The following RBFOX1 variants were observed in gnomAD, a reference collection of about 807,000 sequenced individuals.
RBFOX1 encodes the protein RNA binding fox-1 homolog 1.
Under a neutral mutation model 57.7 loss-of-function variants are expected in RBFOX1, and 8 were observed. That is an observed-to-expected ratio of 0.14 (90% CI 0.08 to 0.25). The LOEUF (loss-of-function observed/expected upper bound fraction) is 0.25, where lower values mean the gene tolerates loss of function less well. RBFOX1 is among the 10% of genes least tolerant of loss of function. The probability of loss-of-function intolerance (pLI) is 1.00; values close to 1 mark genes in which losing one functional copy is unlikely to be tolerated. For synonymous variants in RBFOX1, 326 were observed against 222.4 expected (o/e 1.47, Z -4.15); for missense variants, 611 against 548.5 (o/e 1.11, Z -1.14).
chr16:6,389,752 C>A (rs147108461), intron 2 of RBFOX1, among the ~76,000 whole-genome samples: 1 of 152,108 alleles, frequency 6.6e-6, no homozygotes, highest in South Asian at 2.1e-4. Flanking sequence ...AAATCATGGG[C>A]CAGAGAGGTT....
intron 4 of RBFOX1, among the ~76,000 whole-genome samples, chr16:7,124,950 G>C (rs2068114574): frequency 6.6e-6 from 1 of 152,114 alleles, no homozygotes; most frequent in Non-Finnish European, 1.5e-5. Flanking sequence ...GGTGCCATTA[G>C]CTCAATTCAC....
intron 2 of RBFOX1, among the ~76,000 whole-genome samples, chr16:5,567,685 A>G (rs988936193): frequency 7.7e-6 from 1 of 129,776 alleles, no homozygotes; most frequent in Non-Finnish European, 1.7e-5. Context: ...GGCTGTGTCT[A>G]TGTTTAGACA....
At chr16:5,838,755 C>T (rs1221487850) in intron 3 of RBFOX1, 2 of 152,174 alleles carry the variant, frequency 1.3e-5, no homozygotes, top group Admixed American at 6.5e-5. Context: ...TTGGTGACAG[C>T]TCAGTCACAA....
intron 4 of RBFOX1, among the ~76,000 whole-genome samples, chr16:7,251,054 A>G (rs138728692): frequency 1.3e-5 from 2 of 152,298 alleles, no homozygotes; most frequent in African/African-American, 4.8e-5. Context: ...TTTCAAGAAC[A>G]TGATACATGT....
intron 3 of RBFOX1, among the ~76,000 whole-genome samples, chr16:6,756,974 TCAAACAAACAGA>T (rs1390829884): frequency 4.9e-4 from 55 of 112,992 alleles, no homozygotes; most frequent in Admixed American, 1.8e-3. Context: ...AAACTCCATC[TCAAACAAACAGA>T]CAAACAAACA....
intron 1 of RBFOX1, among the ~76,000 whole-genome samples, chr16:5,338,380 C>T (rs1170429713): frequency 6.6e-6 from 1 of 152,064 alleles, no homozygotes; most frequent in Non-Finnish European, 1.5e-5. Flanking sequence ...GTCTGTGGGA[C>T]CTTGGGAACT....
chr16:7,419,104 C>T (rs1178038716), intron 4 of RBFOX1, among the ~76,000 whole-genome samples: 3 of 152,030 alleles, frequency 2.0e-5, no homozygotes, highest in East Asian at 1.9e-4. Context: ...GACAGGGTTT[C>T]GCCATGTTTC....
chr16:6,207,674 G>A (rs781694124), intron 1 of RBFOX1, among the ~76,000 whole-genome samples: 5 of 152,086 alleles, frequency 3.3e-5, no homozygotes, highest in African/African-American at 9.7e-5. Context: ...AAAGGTGACA[G>A]TAGACATTTT....
intron 1 of RBFOX1, among the ~76,000 whole-genome samples, chr16:6,261,613 C>T (rs911371864): frequency 2.0e-5 from 3 of 152,056 alleles, no homozygotes; most frequent in South Asian, 4.2e-4. Flanking sequence ...TGTAAATGTC[C>T]ACATTATGGT....
chr16:5,301,506 C>G (rs1168790079), intron 1 of RBFOX1, among the ~76,000 whole-genome samples: 14 of 151,414 alleles, frequency 9.2e-5, no homozygotes, highest in Non-Finnish European at 2.1e-4. Context: ...GTAGTCCCAG[C>G]TACTCGGGAA....
chr16:5,662,404 T>G (rs547564389), intron 3 of RBFOX1, among the ~76,000 whole-genome samples: 16 of 152,330 alleles, frequency 1.1e-4, no homozygotes, highest in Admixed American at 7.8e-4. Context: ...CTATTATGTG[T>G]GAAAGTGCCA....
At chr16:5,823,360 C>G (rs1311604560) in intron 3 of RBFOX1, among the ~76,000 whole-genome samples, 7 of 152,148 alleles carry the variant, frequency 4.6e-5, no homozygotes, top group African/African-American at 1.2e-4. Flanking sequence ...TAGCTCCTGC[C>G]TCTTGGAACT....
chr16:7,671,469 A>G (rs2071410637), intron 13 of RBFOX1: 2 of 1,271,336 alleles, frequency 1.6e-6, no homozygotes, highest in Non-Finnish European at 2.2e-6. Context: ...CTTGTAAATG[A>G]ATTGCTCTGG....
chr16:7,025,934 A>G (rs1542551), intron 3 of RBFOX1, among the ~76,000 whole-genome samples: 116,637 of 152,100 alleles, frequency 0.77, 44,918 homozygotes, highest in East Asian at 0.92. Context: ...GGGAGCTCCC[A>G]CCTGGCCTGG....
intron 3 of RBFOX1, among the ~76,000 whole-genome samples, chr16:6,678,146 C>T (rs975510719): frequency 8.5e-5 from 13 of 152,174 alleles, no homozygotes; most frequent in African/African-American, 2.9e-4. Context: ...GTGTTTGAGA[C>T]GGAGTCTCGC....
At chr16:5,400,920 T>G (rs2066697229) in intron 1 of RBFOX1, among the ~76,000 whole-genome samples, 1 of 152,214 alleles carries the variant, frequency 6.6e-6, no homozygotes, top group Non-Finnish European at 1.5e-5. Flanking sequence ...ATTTTTCTAT[T>G]GGGGCATTAA....
intron 3 of RBFOX1, among the ~76,000 whole-genome samples, chr16:5,849,226 C>A (rs1025943167): frequency 6.6e-6 from 1 of 152,010 alleles, no homozygotes; most frequent in Non-Finnish European, 1.5e-5. Context: ...ATTTTATTTT[C>A]CTGCATGGAA....
intron 1 of RBFOX1, among the ~76,000 whole-genome samples, chr16:5,434,442 C>T (rs1180135332): frequency 6.6e-6 from 1 of 150,462 alleles, no homozygotes; most frequent in Non-Finnish European, 1.5e-5. Flanking sequence ...CTGCCTTAGC[C>T]TCCTGAGTAG....
Position 7,104,881 on chromosome 16 carries a change from A to G in RBFOX1, c.27+52783A>G, listed in dbSNP as rs773032346. ...TGTACAAAACAGAAAAGTCCAAGAG[A>G]TGGATCTCAGGTACAGCCCCAACCA... On this transcript the variant is annotated intron_variant, in intron 4 of 15. Coordinates refer to ENST00000550418, the MANE Select transcript of RBFOX1 (RefSeq NM_018723.4). 5.7e-4 allele frequency among the ~76,000 whole-genome samples: 87 copies of G among 152,106 alleles called. 1 individual carries two copies. Among genetic ancestry groups the G allele is most frequent in the Non-Finnish European group, 1.9e-4 (13 of 68,020 alleles).
Sources: gnomAD v4.1 joint callset for allele counts (sites outside exome capture counted in the v4.1 genomes callset) on GRCh38, gnomAD v4.1.1 for gene constraint, MANE v1.5 for transcripts, NCBI Gene and HGNC (gene_info 2026-07-23, HGNC 2026-07-21) for gene names.